CCDC157: variants seen among roughly 807,000 people sequenced by gnomAD.
CCDC157 encodes coiled-coil domain-containing protein 157.
In CCDC157, 60 loss-of-function variants were observed where a neutral mutation model predicts 70.9. That is an observed-to-expected ratio of 0.85 (90% CI 0.69 to 1.05). CCDC157 has a LOEUF of 1.05. Among genes scored for constraint, CCDC157 ranks in the 50% least tolerant of loss-of-function variants. The pLI is 0.00. For synonymous variants in CCDC157, 373 were observed against 422.4 expected (o/e 0.88, Z 1.43); for missense variants, 943 against 984.2 (o/e 0.96, Z 0.56).
rs1411225158 is a variant in CCDC157 at position 30,372,223 on chromosome 22, C to T, written c.1272C>T (p.Cys424=). 6.3e-7 allele frequency: 1 copy of T among 1,596,096 alleles called. No individual in the cohort carries two copies. Reference sequence around the variant, plus strand: ...TGGAGGGCGCTGGCCAGCAGGTCTGCTGGGCCAGCACGGAGCTGGATAAGG... The same window carrying T: ...TGGAGGGCGCTGGCCAGCAGGTCTGTTGGGCCAGCACGGAGCTGGATAAGG... ...GRLEGAGQQV[C]WASTELDKEK... The change falls in exon 7 of 12, where the codon TGC becomes TGT. Residue 424 remains cysteine (C), a synonymous_variant. Transcript: ENST00000338306.
rs201950542 is a variant in CCDC157, at chr22:30,371,735, G to A, written c.1123+8G>A. ...AGTCCACACAGGCTGTGGGTAAGGA[G>A]CCCCATCATAGGCCCCCATGCCACA... On this transcript the variant is annotated splice_region_variant and intron_variant, in intron 6 of 11. Coordinates refer to ENST00000338306, the MANE Select transcript of CCDC157 (RefSeq NM_001017437.5). 1.7e-4 allele frequency: 266 copies of A among 1,611,174 alleles called. No homozygotes were observed. The South Asian group carries it at 2.4e-3, about 15-fold the overall frequency.
At chr22:30,360,774 A>ATG (rs1569181588) in intron 1 of CCDC157, among the ~76,000 whole-genome samples, 1 of 152,142 alleles carries the variant, frequency 6.6e-6, no homozygotes, top group African/African-American at 2.4e-5. Flanking sequence ...TTGGCCGGGC[A>ATG]TGGTGGCTCA....
intron 5 of CCDC157, 63 bp downstream of exon 5, chr22:30,371,013 G>A (rs1932915932): frequency 6.6e-7 from 1 of 1,520,990 alleles, no homozygotes; most frequent in South Asian, 1.3e-5. Flanking sequence ...TTGCATGGAT[G>A]TTTGTGAGAC....
chr22:30,369,957 C>A, intron 4 of CCDC157: 1 of 467,324 alleles, frequency 2.1e-6, no homozygotes, highest in East Asian at 3.6e-5. Context: ...AACCACTGTT[C>A]CCATGATGGG....
At chr22:30,364,513 A>T (rs1932583969) in intron 2 of CCDC157, among the ~76,000 whole-genome samples, 2 of 152,168 alleles carry the variant, frequency 1.3e-5, no homozygotes, top group African/African-American at 4.8e-5. Flanking sequence ...TTGTTTTAAA[A>T]ATATATATAA....
chr22:30,363,321 G>T (rs943853052), intron 2 of CCDC157, among the ~76,000 whole-genome samples: 2 of 152,186 alleles, frequency 1.3e-5, no homozygotes, highest in African/African-American at 4.8e-5. Context: ...GGGGAAGAAC[G>T]GGAGCCAGGC....
chr22:30,369,336 C>T (rs993927764), intron 3 of CCDC157, 96 bp from the exon 4 acceptor site: 10 of 1,149,708 alleles, frequency 8.7e-6, no homozygotes, highest in African/African-American at 1.6e-5. Context: ...CTCTTGATGC[C>T]TGGGCCAGTT....
rs1160200975 is a variant in CCDC157, at chr22:30,377,906, G to A, written c.*1161G>A. On this transcript the variant is annotated 3_prime_UTR_variant, in exon 12 of 12. Transcript: ENST00000338306. Reference sequence around the variant, plus strand: ...TGGCAGTCAGAAGTCCAGGTTCTGTGTGGCTGGGTTTTTTTGCTCCGGGTC... The same window carrying A: ...TGGCAGTCAGAAGTCCAGGTTCTGTATGGCTGGGTTTTTTTGCTCCGGGTC... 3 of 350,202 alleles carry A rather than the reference G, an allele frequency of 8.6e-6. No homozygotes were observed. Among genetic ancestry groups the A allele is most frequent in the Non-Finnish European group, 1.7e-5 (3 of 176,288 alleles). 21.7% of individuals were successfully genotyped at this position (350,202 alleles called of 1,614,324 possible).
chr22:30,374,412 CTG>C (rs781778838), intron 9 of CCDC157: 122 of 531,632 alleles, frequency 2.3e-4, no homozygotes, highest in Non-Finnish European at 4.1e-4. Flanking sequence ...TGCTCGACTT[CTG>C]TGTGTCCCCC....
chr22:30,375,582 CCGGGTCCTACAGGAGGAGAA>C lies in CCDC157; in HGVS notation c.1781_1800del (p.Val594AlafsTer58). 1 of 1,614,194 alleles carries C rather than the reference CCGGGTCCTACAGGAGGAGAA, an allele frequency of 6.2e-7. No homozygotes were observed. On this transcript the variant is annotated frameshift_variant, in exon 10 of 12. Coordinates refer to ENST00000338306, the MANE Select transcript of CCDC157 (RefSeq NM_001017437.5). LOFTEE classifies it high-confidence loss of function. ...AAGTGCAGTCCAACGACATCCGCAT[CCGGGTCCTACAGGAGGAGAA>C]CGGGCGGCTCCAATCAATGCTGTCC...
intron 3 of CCDC157, among the ~76,000 whole-genome samples, chr22:30,367,450 G>T (rs140368105): frequency 2.0e-5 from 3 of 152,122 alleles, no homozygotes; most frequent in Non-Finnish European, 4.4e-5. Flanking sequence ...GTTGACCAGG[G>T]CTGGTCTCAA....
chr22:30,360,289 G>C (rs987600206), intron 1 of CCDC157, among the ~76,000 whole-genome samples: 2 of 151,600 alleles, frequency 1.3e-5, no homozygotes, highest in African/African-American at 4.9e-5. Context: ...AGATCACAAG[G>C]TCAGGAGATT....
Position 30,376,762 on chromosome 22 carries a change from G to A in CCDC157, c.*17G>A, listed in dbSNP as rs754895977. 10 of 1,598,742 alleles carry A rather than the reference G, an allele frequency of 6.3e-6. No individual in the cohort carries two copies. The Admixed American group carries it at 6.8e-5, about 11-fold the overall frequency. On this transcript the variant is annotated 3_prime_UTR_variant, in exon 12 of 12. Coordinates refer to ENST00000338306, the MANE Select transcript of CCDC157 (RefSeq NM_001017437.5). ...CCCATGTAGCCTGTGGCCCAGGGCT[G>A]AGGCTGGATGGGAGGTGGCTGGCAG...
rs754066462 is a variant in CCDC157, at chr22:30,366,205, A to G, written c.205A>G (p.Thr69Ala). 6.2e-7 allele frequency: 1 copy of G among 1,613,828 alleles called. No individual in the cohort carries two copies. Among genetic ancestry groups the G allele is most frequent in the Non-Finnish European group, 8.5e-7 (1 of 1,180,018 alleles). ...YDHVPGDPEF[T>A]QLSHAVLLEL... ...CCATGTTCCGGGTGACCCCGAGTTCACGCAGCTGTCCCATGCCGTGCTGCT... is the reference window on the plus strand; with the variant it reads ...CCATGTTCCGGGTGACCCCGAGTTCGCGCAGCTGTCCCATGCCGTGCTGCT... Residue 69 changes from threonine (T) to alanine (A), a missense_variant, in exon 3 of 12, where the codon ACG becomes GCG. Transcript: ENST00000338306.
At chr22:30,357,826 A>AT (rs550906514) in intron 1 of CCDC157, among the ~76,000 whole-genome samples, 4,483 of 146,812 alleles carry the variant, frequency 0.031, 152 homozygotes, top group African/African-American at 0.09. Flanking sequence ...CAGTTTTTAA[A>AT]TTTTTTTTTT....
chr22:30,356,744 TG>T, upstream of CCDC157: 1 of 1,494,774 alleles, frequency 6.7e-7, no homozygotes, highest in Non-Finnish European at 8.9e-7. Context: ...TTGGGCTCCG[TG>T]GGCACGGGCG....
At chr22:30,357,366 T>G (rs894083563) in intron 1 of CCDC157, among the ~76,000 whole-genome samples, 2 of 152,298 alleles carry the variant, frequency 1.3e-5, no homozygotes, top group Non-Finnish European at 2.9e-5. Context: ...CAAGCCCCGC[T>G]TCCAAATCCT....
chr22:30,360,937 C>G (rs1932295774), intron 1 of CCDC157, among the ~76,000 whole-genome samples: 1 of 152,112 alleles, frequency 6.6e-6, no homozygotes. Context: ...GTCCCACCTA[C>G]TCAGGAGGCT....
rs997742818 is a variant in CCDC157 at position 30,378,458 on chromosome 22, G to A, written c.*1713G>A. The A allele has an allele frequency of 8.9e-5, 16 of 179,406 alleles. No homozygotes were observed. Among genetic ancestry groups the A allele is most frequent in the East Asian group, 4.4e-4 (3 of 6,818 alleles). 11.1% of individuals were successfully genotyped at this position (179,406 alleles called of 1,614,324 possible). A position where few individuals can be genotyped will look rare whatever the true frequency, so the allele number is the denominator to read the frequency against. ...AGCCTGACCAACATGGAGAAACCCCGTCTCTACTAAAAATACAAAATTAGC... is the reference window on the plus strand; with the variant it reads ...AGCCTGACCAACATGGAGAAACCCCATCTCTACTAAAAATACAAAATTAGC... On this transcript the variant is annotated 3_prime_UTR_variant, in exon 12 of 12. Transcript: ENST00000338306.
Sources: gnomAD v4.1 joint callset for allele counts (sites outside exome capture counted in the v4.1 genomes callset) on GRCh38, gnomAD v4.1.1 for gene constraint, MANE v1.5 for transcripts, NCBI Gene and HGNC (gene_info 2026-07-23, HGNC 2026-07-21) for gene names.